The following ASNS variants were observed in gnomAD, a reference collection of about 807,000 sequenced individuals.
The protein encoded by ASNS is asparagine synthetase [glutamine-hydrolyzing].
A neutral mutation model predicts 62.6 loss-of-function variants in ASNS; 37 were observed. That is an observed-to-expected ratio of 0.59 (90% confidence interval 0.45 to 0.78). The LOEUF (loss-of-function observed/expected upper bound fraction) is 0.78. Among genes scored for constraint, ASNS ranks in the 30% least tolerant of loss-of-function variants. The pLI is 0.00. For synonymous variants in ASNS, 207 were observed against 237.9 expected (o/e 0.87, Z 1.19); for missense variants, 520 against 682.4 (o/e 0.76, Z 2.65).
At chr7:97,871,503 T>TTA (rs755507551) in intron 1 of ASNS, among the ~76,000 whole-genome samples, 3 of 150,358 alleles carry the variant, frequency 2.0e-5, no homozygotes, top group Non-Finnish European at 4.4e-5. Flanking sequence ...ATTTAAAATT[T>TTA]AAAAAAAAAA....
At chr7:97,858,202 A>ATT in intron 7 of ASNS, 76 bp downstream of exon 7, 1 of 1,556,256 alleles carries the variant, frequency 6.4e-7, no homozygotes, top group Non-Finnish European at 8.7e-7. Flanking sequence ...AGAATCACCC[A>ATT]TTATTGACTC....
chr7:97,859,426 C>A, intron 4 of ASNS, 28 bp from the exon 5 acceptor site: 2 of 1,555,682 alleles, frequency 1.3e-6, no homozygotes, highest in South Asian at 2.4e-5. Flanking sequence ...TACCTTTATT[C>A]AAATTAGGTA....
At chr7:97,874,807 T>C (rs202180672), upstream of ASNS, among the ~76,000 whole-genome samples, 2 of 151,796 alleles carry the variant, frequency 1.3e-5, no homozygotes, top group East Asian at 3.9e-4. Flanking sequence ...TAGTCAAACA[T>C]GTGCAATTAA....
the ASNS span, among the ~76,000 whole-genome samples, chr7:97,903,197 A>G: frequency 1.3e-5 from 2 of 151,656 alleles, no homozygotes; most frequent in Non-Finnish European, 2.9e-5. Context: ...GGAAACAGAA[A>G]TGTCATTTAG....
chr7:97,898,582 A>C, the ASNS span: 1 of 612,034 alleles, frequency 1.6e-6, no homozygotes, highest in Non-Finnish European at 3.0e-6. Context: ...ACTTCTTTCA[A>C]GTCATTTGTC....
At position 97,853,169 on chromosome 7, in the gene ASNS, T is replaced by C. The variant is rs569999099; in HGVS notation, c.1367A>G (p.Asn456Ser). The C allele has an allele frequency of 4.3e-6, 7 of 1,611,642 alleles. No individual in the cohort carries two copies. The highest frequency in any genetic ancestry group is 1.3e-5 in the African/African-American group (1 of 74,766). The change falls in exon 12 of 13, where the codon AAT becomes AGT. Residue 456 changes from asparagine (N) to serine (S), a missense_variant. By Grantham distance (46) the Asn-to-Ser change is conservative (BLOSUM62 1). Transcript: ENST00000394308. ...CCAGAGAATCTCTTTGGGTATCAGA[T>C]TGGAATCCTCAAACGTCTCTCTCAG... ...HLLRETFEDS[N>S]LIPKEILWRP...
the ASNS span, among the ~76,000 whole-genome samples, chr7:97,888,032 T>C: frequency 2.0e-5 from 3 of 152,236 alleles, no homozygotes; most frequent in African/African-American, 7.2e-5. Context: ...AGAGTACAAA[T>C]GGTACAGTCA....
chr7:97,892,775 G>A, the ASNS span, among the ~76,000 whole-genome samples: 1 of 152,170 alleles, frequency 6.6e-6, no homozygotes, highest in Non-Finnish European at 1.5e-5. Context: ...GACAACCTAA[G>A]CCTAGACTTT....
chr7:97,923,236 TAA>T, the ASNS span, among the ~76,000 whole-genome samples: 1 of 150,186 alleles, frequency 6.7e-6, no homozygotes. Flanking sequence ...TGGATTTTGA[TAA>T]AGTTTTCAAA....
At chr7:97,862,315 A>T (rs1342930292) in intron 4 of ASNS, among the ~76,000 whole-genome samples, 1 of 152,218 alleles carries the variant, frequency 6.6e-6, no homozygotes, top group Admixed American at 6.5e-5. Flanking sequence ...AACACAGAAG[A>T]ACTATAAATG....
At chr7:97,907,170 T>A in the ASNS span, among the ~76,000 whole-genome samples, 3 of 152,198 alleles carry the variant, frequency 2.0e-5, no homozygotes, top group African/African-American at 7.2e-5. Flanking sequence ...CTTCCCTTAT[T>A]TCAAGGCTTA....
chr7:97,896,628 ATGTATATATATATATATG>A, the ASNS span, among the ~76,000 whole-genome samples: 6 of 128,162 alleles, frequency 4.7e-5, no homozygotes, highest in Admixed American at 4.9e-4. Context: ...ACATATATAT[ATGTATATATATATATATG>A]TGTATATATA....
the ASNS span, among the ~76,000 whole-genome samples, chr7:97,902,433 C>G: frequency 2.0e-5 from 3 of 152,154 alleles, no homozygotes; most frequent in Admixed American, 2.0e-4. Context: ...ACATACTGGC[C>G]AGACGCAGTG....
Position 97,859,232 on chromosome 7 carries a change from A to G in ASNS, c.654T>C (p.Asn218=), listed in dbSNP as rs751278796. 6.2e-6 allele frequency: 10 copies of G among 1,607,720 alleles called. No individual in the cohort carries two copies. The highest frequency in any genetic ancestry group is 6.8e-6 in the Non-Finnish European group (8 of 1,176,188). ...RDVPLHALYD[N]VEKLFPGFEI... Reference sequence around the variant, plus strand: ...TGCTACCTGGAAAGAGTTTCTCCACATTGTCATAGAGGGCGTGCAGGGGTA... The same window carrying G: ...TGCTACCTGGAAAGAGTTTCTCCACGTTGTCATAGAGGGCGTGCAGGGGTA... Residue 218 remains asparagine, a synonymous_variant, in exon 5 of 13, where the codon AAT becomes AAC. Transcript: ENST00000394308.
At chr7:97,861,052 C>T (rs1160803878) in intron 4 of ASNS, among the ~76,000 whole-genome samples, 5 of 127,846 alleles carry the variant, frequency 3.9e-5, no homozygotes, top group Middle Eastern at 5.6e-3. Context: ...AGATGAGTCT[C>T]GCTCTGTCAC....
the ASNS span, among the ~76,000 whole-genome samples, chr7:97,902,937 A>G: frequency 6.6e-6 from 1 of 152,182 alleles, no homozygotes; most frequent in Admixed American, 6.6e-5. Flanking sequence ...CCCTGGGGAC[A>G]TTAGGCAATA....
At position 97,856,682 on chromosome 7, in the gene ASNS, T is replaced by C. The variant is rs750693846; in HGVS notation, c.1030+8A>G. The C allele has an allele frequency of 6.3e-7, 1 of 1,583,958 alleles. No homozygotes were observed. The highest frequency in any genetic ancestry group is 2.2e-5 in the East Asian group (1 of 44,644). ...AGCTTTTTATTTAAGAATATCATAA[T>C]ACCTTACCTACTGAAGCACGAACTG... On this transcript the variant is annotated splice_region_variant and intron_variant, in intron 8 of 12. Coordinates refer to ENST00000394308, the MANE Select transcript of ASNS (RefSeq NM_001673.5).
At chr7:97,869,306 G>A (rs1337065805) in intron 2 of ASNS, 127 bp from the exon 3 acceptor site, 5 of 1,120,938 alleles carry the variant, frequency 4.5e-6, no homozygotes, top group Non-Finnish European at 5.0e-6. Context: ...TTTCTATAGC[G>A]ATTTCCCATT....
At chr7:97,909,718 G>A in the ASNS span, among the ~76,000 whole-genome samples, 124 of 141,710 alleles carry the variant, frequency 8.8e-4, no homozygotes, top group African/African-American at 1.8e-3. Context: ...TCAACTGAGG[G>A]TGACACAGAA....
Sources: allele counts gnomAD v4.1 joint callset (sites outside exome capture counted in the v4.1 genomes callset), GRCh38; gene constraint gnomAD v4.1.1; transcripts MANE v1.5; gene names NCBI Gene and HGNC (gene_info 2026-07-23, HGNC 2026-07-21).